Variants in NAA60 observed in about 807,000 individuals in gnomAD.
The protein encoded by NAA60 is N-alpha-acetyltransferase 60.
In NAA60, 8 loss-of-function variants were observed where a neutral mutation model predicts 26.1. The ratio of observed to expected loss-of-function variants is 0.31; its 90% CI spans 0.18 to 0.55. NAA60 has a LOEUF of 0.55. NAA60 is among the 20% of genes least tolerant of loss of function. NAA60 has a pLI of 0.93. For missense variants in NAA60, 290 were observed against 311.3 expected (o/e 0.93, Z 0.51); for synonymous variants, 131 against 122.5 (o/e 1.07, Z -0.46).
intron 2 of NAA60, among the ~76,000 whole-genome samples, chr16:3,464,444 A>C (rs75145389): frequency 9.9e-5 from 15 of 152,170 alleles, no homozygotes; most frequent in Non-Finnish European, 1.6e-4. Context: ...GGGAGGGGCA[A>C]GTGGGGACAG....
chr16:3,475,940 G>A (rs1227459192), intron 2 of NAA60, among the ~76,000 whole-genome samples: 1 of 152,260 alleles, frequency 6.6e-6, no homozygotes, highest in East Asian at 1.9e-4. Context: ...CAGCTCAGAT[G>A]GGGAGAGAGG....
chr16:3,457,882 C>T lies in NAA60; in HGVS notation c.-7+9342C>T, dbSNP rs1596298679. The T allele has an allele frequency of 3.9e-6, 3 of 774,206 alleles. No individual in the cohort carries two copies. In the African/African-American group the frequency reaches 5.6e-5, roughly 14 times the overall value. The allele number at this position is 774,206 out of a possible 1,614,324, so 48.0% of individuals were successfully genotyped here. On this transcript the variant is annotated intron_variant, in intron 2 of 7. Transcript: ENST00000407558. ...TCACCAGTGCCCCGCATACGGGATCCTGGGCCTGGCTTCGCACGGAGCCTG... is the reference window on the plus strand; with the variant it reads ...TCACCAGTGCCCCGCATACGGGATCTTGGGCCTGGCTTCGCACGGAGCCTG...
intron 2 of NAA60, among the ~76,000 whole-genome samples, chr16:3,465,679 G>T (rs992941811): frequency 6.6e-6 from 1 of 152,184 alleles, no homozygotes; most frequent in African/African-American, 2.4e-5. Flanking sequence ...CCCCTGCGGT[G>T]GGGGAGCATC....
At chr16:3,476,401 C>G in intron 3 of NAA60, 64 bp downstream of exon 3, 15 of 1,305,624 alleles carry the variant, frequency 1.1e-5, no homozygotes, top group East Asian at 2.4e-5. Flanking sequence ...AGCTGGGCGG[C>G]GGGGGTGGGG....
intron 1 of NAA60, among the ~76,000 whole-genome samples, chr16:3,447,947 C>T (rs1352181094): frequency 6.6e-6 from 1 of 152,124 alleles, no homozygotes; most frequent in African/African-American, 2.4e-5. Flanking sequence ...GTGTTAACTC[C>T]CAACAGAATT....
intron 4 of NAA60, among the ~76,000 whole-genome samples, chr16:3,481,297 C>T (rs1159949320): frequency 2.0e-5 from 3 of 152,122 alleles, no homozygotes. Context: ...ACCATGTTGG[C>T]CATGCTGATC....
In NAA60 at chr16:3,445,274, C is replaced by CTTTTTTTTTTTTTTTTTTT. The variant is rs1452284919; in HGVS notation, c.-77+1438_-77+1439insTTTTTTTTTTTTTTTTTTT. On this transcript the variant is annotated intron_variant, in intron 1 of 7. Transcript: ENST00000407558. Reference sequence around the variant, plus strand: ...CTTTCCCTTCTTGGTTTGTGCTTATCTCTTTTTTTTTTTTTTTTTTGAGAC... The same window carrying CTTTTTTTTTTTTTTTTTTT: ...CTTTCCCTTCTTGGTTTGTGCTTATCTTTTTTTTTTTTTTTTTTTTCTTTTTTTTTTTTTTTTTTGAGAC... 3.2e-5 allele frequency among the ~76,000 whole-genome samples: 4 copies of CTTTTTTTTTTTTTTTTTTT among 125,532 alleles called. 2 individuals are homozygous for CTTTTTTTTTTTTTTTTTTT. The highest frequency in any genetic ancestry group is 6.5e-5 in the Non-Finnish European group (4 of 61,858). 82.4% of individuals were successfully genotyped at this position (125,532 alleles called of 152,430 possible).
chr16:3,453,870 C>T (rs1045816363), intron 2 of NAA60, among the ~76,000 whole-genome samples: 5 of 152,068 alleles, frequency 3.3e-5, no homozygotes, highest in African/African-American at 1.2e-4. Context: ...CTCCTCCCAC[C>T]CCAACCCCAT....
chr16:3,482,597 A>C lies in NAA60; in HGVS notation c.336A>C (p.Ile112=), dbSNP rs926666965. The change falls in exon 5 of 8, where the codon ATA becomes ATC. Residue 112 remains isoleucine (I), a splice_region_variant and synonymous_variant. Transcript: ENST00000407558. The stretch of plus-strand genomic sequence containing the variant: ...TGAAAGAGTTCAGGAAGCACGGCAT[A>C]GGTAAGGGCAGCCGGGCCCGCGGCT... ...GVVKEFRKHG[I]GSLLLESLKD... 2.5e-6 allele frequency: 4 copies of C among 1,599,700 alleles called. No homozygotes were observed. Among genetic ancestry groups the C allele is most frequent in the Non-Finnish European group, 3.4e-6 (4 of 1,173,458 alleles).
chr16:3,478,067 T>TAAG (rs1385197716), intron 3 of NAA60, among the ~76,000 whole-genome samples: 1 of 145,698 alleles, frequency 6.9e-6, no homozygotes, highest in Non-Finnish European at 1.5e-5. Flanking sequence ...TGTCTCAAAA[T>TAAG]AATAATAATA....
chr16:3,476,150 G>A (rs115883624), intron 2 of NAA60, 72 bp from the exon 3 acceptor site: 67 of 1,198,068 alleles, frequency 5.6e-5, no homozygotes, highest in South Asian at 5.4e-4. Flanking sequence ...CTTCTGTCTC[G>A]CCTGCCTCAC....
intron 1 of NAA60, among the ~76,000 whole-genome samples, chr16:3,444,602 T>C (rs1028768893): frequency 1.3e-5 from 2 of 152,160 alleles, no homozygotes; most frequent in Non-Finnish European, 2.9e-5. Flanking sequence ...ATTTGACAAC[T>C]TAGGTAATGT....
intron 2 of NAA60, among the ~76,000 whole-genome samples, chr16:3,473,238 A>G (rs2036264252): frequency 1.3e-5 from 2 of 151,986 alleles, no homozygotes; most frequent in African/African-American, 2.4e-5. Context: ...GTGTTAGTCC[A>G]TTTTCATGCT....
chr16:3,470,187 G>A (rs1024263647), intron 2 of NAA60, among the ~76,000 whole-genome samples: 7 of 152,182 alleles, frequency 4.6e-5, no homozygotes, highest in South Asian at 4.1e-4. Flanking sequence ...ATTGGCCATT[G>A]CCACCTCTGA....
In NAA60 at chr16:3,461,905, T is replaced by C. The variant is rs138235050; in HGVS notation, c.-7+13365T>C. On this transcript the variant is annotated intron_variant, in intron 2 of 7. Transcript: ENST00000407558. The stretch of plus-strand genomic sequence containing the variant: ...AAGTTCGAGAGCGGCCTGGGCAACA[T>C]AGCAAAACTCCATCTCTAAAAAAAT... Among the ~76,000 whole-genome samples the C allele has an allele frequency of 2.3e-3, 348 of 152,060 alleles. 1 individual carries two copies. The highest frequency in any genetic ancestry group is 7.3e-3 in the African/African-American group (301 of 41,458).
chr16:3,453,819 G>A (rs988540933), intron 2 of NAA60, among the ~76,000 whole-genome samples: 1 of 152,172 alleles, frequency 6.6e-6, no homozygotes, highest in African/African-American at 2.4e-5. Context: ...TGACCTGAAT[G>A]TGTAGGTTTC....
At chr16:3,460,823 G>A (rs1442743606) in intron 2 of NAA60, among the ~76,000 whole-genome samples, 1 of 152,224 alleles carries the variant, frequency 6.6e-6, no homozygotes, top group Non-Finnish European at 1.5e-5. Flanking sequence ...TCTCTTTCTG[G>A]CTAAGTTCAA....
chr16:3,479,414 C>T (rs1419780709), intron 3 of NAA60, 57 bp from the exon 4 acceptor site: 9 of 1,590,316 alleles, frequency 5.7e-6, no homozygotes, highest in African/African-American at 2.7e-5. Context: ...GTCTAGAGCA[C>T]GACCATAGTT....
At chr16:3,482,913 G>A (rs1053227362) in intron 5 of NAA60, 25 of 510,384 alleles carry the variant, frequency 4.9e-5, no homozygotes, top group East Asian at 4.5e-4. Flanking sequence ...CGCACAACTC[G>A]TGTATTCACT....
Sources: allele counts gnomAD v4.1 joint callset (sites outside exome capture counted in the v4.1 genomes callset), GRCh38; gene constraint gnomAD v4.1.1; transcripts MANE v1.5; gene names NCBI Gene and HGNC (gene_info 2026-07-23, HGNC 2026-07-21).